The following ZNF121 variants were observed in gnomAD, a reference collection of about 807,000 sequenced individuals.
The protein encoded by ZNF121 is zinc finger protein 121 (clone ZHC32).
A neutral mutation model predicts 2.4 loss-of-function variants in ZNF121; 1 was observed. The ratio of observed to expected loss-of-function variants is 0.41; its 90% confidence interval spans 0.15 to 1.94. The LOEUF (loss-of-function observed/expected upper bound fraction) is 1.94, where lower values mean the gene tolerates loss of function less well. Among genes scored for constraint, ZNF121 ranks in the 30% most tolerant of loss-of-function variants. The pLI, the probability that ZNF121 is intolerant of heterozygous loss-of-function variation, is 0.30. For synonymous variants in ZNF121, 173 were observed against 158.6 expected (o/e 1.09, Z -0.68); for missense variants, 369 against 466.3 (o/e 0.79, Z 1.92).
At chr19:9,574,361 A>C (rs2074195738) in intron 1 of ZNF121, among the ~76,000 whole-genome samples, 1 of 151,856 alleles carries the variant, frequency 6.6e-6, no homozygotes, top group Admixed American at 6.6e-5. Flanking sequence ...TCATCGTGTT[A>C]GTCAGGATGG....
intron 1 of ZNF121, among the ~76,000 whole-genome samples, chr19:9,570,588 C>T (rs8112836): frequency 0.17 from 26,221 of 151,890 alleles, 3,594 homozygotes; most frequent in African/African-American, 0.38. Flanking sequence ...GTTTTTGAGA[C>T]GGAGTTTTGC....
intron 2 of ZNF121, 134 bp from the exon 3 acceptor site, chr19:9,568,309 T>C (rs984973601): frequency 1.6e-5 from 7 of 446,224 alleles, no homozygotes; most frequent in African/African-American, 9.8e-5. Flanking sequence ...AGACATAGAT[T>C]TGAACAGTTT....
In ZNF121 at chr19:9,566,324, T is replaced by A. The variant is rs780332876; in HGVS notation, c.789A>T (p.Lys263Asn). ...TAAGGCATGAAGAGCTTCTGAAGGA[T>A]TTTCCACATACCTTACATTCAAAGG... ...EKPFECKVCG[K>N]SFRSSSCLKN... The change falls in exon 4 of 4, where the codon AAA becomes AAT. Residue 263 changes from lysine to asparagine, a missense_variant. Around this residue, in one of 4 missense-constraint regions of ZNF121, gnomAD observed 127 missense variants for 169.9 expected, o/e 0.75. Transcript: ENST00000320451. 6.2e-7 allele frequency: 1 copy of A among 1,613,910 alleles called. No homozygotes were observed. The highest frequency in any genetic ancestry group is 2.2e-5 in the East Asian group (1 of 44,872).
At chr19:9,583,387 C>T (rs1347629171) in intron 1 of ZNF121, among the ~76,000 whole-genome samples, 4 of 148,286 alleles carry the variant, frequency 2.7e-5, no homozygotes, top group Admixed American at 2.0e-4. Flanking sequence ...AGTGCAGTGG[C>T]AGATCTCGGC....
chr19:9,568,050 C>G lies in ZNF121; in HGVS notation c.3+45G>C, dbSNP rs370410705. 11 of 1,521,004 alleles carry G rather than the reference C, an allele frequency of 7.2e-6. No homozygotes were observed. The African/African-American group carries it at 1.7e-4, about 23-fold the overall frequency. The allele number at this position is 1,521,004 out of a possible 1,614,324, so 94.2% of individuals were successfully genotyped here. ...TTTTGCTGATTTTTTATAATTGAAT[C>G]CCAATCTTTTTTTGAGTGTGGTAAA... On this transcript the variant is annotated intron_variant, in intron 3 of 3. Coordinates refer to ENST00000320451, the MANE Select transcript of ZNF121 (RefSeq NM_001008727.5).
At chr19:9,574,032 T>C (rs539184401) in intron 1 of ZNF121, among the ~76,000 whole-genome samples, 4 of 106,308 alleles carry the variant, frequency 3.8e-5, no homozygotes, top group South Asian at 6.4e-4. Context: ...TCTTTCTTTT[T>C]TTTTTTTTTT....
At chr19:9,570,670 G>A (rs1284845960) in intron 1 of ZNF121, among the ~76,000 whole-genome samples, 2 of 152,014 alleles carry the variant, frequency 1.3e-5, no homozygotes, top group Non-Finnish European at 2.9e-5. Flanking sequence ...GGGTTAAAGC[G>A]ATTCTCCTGC....
chr19:9,567,979 A>G (rs1017691688), intron 3 of ZNF121, 116 bp downstream of exon 3: 6 of 1,181,370 alleles, frequency 5.1e-6, no homozygotes, highest in Non-Finnish European at 7.0e-6. Context: ...CTCTAGAGAC[A>G]TTCCTCCTGC....
At chr19:9,574,572 G>A (rs1246229948) in intron 1 of ZNF121, among the ~76,000 whole-genome samples, 1 of 152,170 alleles carries the variant, frequency 6.6e-6, no homozygotes, top group African/African-American at 2.4e-5. Flanking sequence ...CCACCCTACT[G>A]CTGTGTCCAG....
chr19:9,580,033 C>A (rs1599743095), intron 1 of ZNF121, among the ~76,000 whole-genome samples: 1 of 152,072 alleles, frequency 6.6e-6, no homozygotes, highest in Non-Finnish European at 1.5e-5. Context: ...TGGCTCACAC[C>A]TGTTATCCCA....
chr19:9,564,923 C>T lies in ZNF121; in HGVS notation c.*1017G>A, dbSNP rs1175183842. ...CCATCAACACTGAGGCAAGACCTAC[C>T]ACAAGCAAAAAGATTACAACTCACC... On this transcript the variant is annotated 3_prime_UTR_variant, in exon 4 of 4. Transcript: ENST00000320451. The T allele has an allele frequency of 6.6e-6, 1 of 152,190 alleles. No homozygotes were observed. Among genetic ancestry groups the T allele is most frequent in the Admixed American group, 6.6e-5 (1 of 15,266 alleles). 9.4% of individuals were successfully genotyped at this position (152,190 alleles called of 1,614,324 possible).
chr19:9,567,089 C>T lies in ZNF121; in HGVS notation c.24G>A (p.Gly8=), dbSNP rs1462406828. The change falls in exon 4 of 4, where the codon GGG becomes GGA. Residue 8 remains glycine, a synonymous_variant. Transcript: ENST00000320451. Reference sequence around the variant, plus strand: ...CATTTTCCATAAAGTCACAGAGTTCCCCTCCATTGTGGATTTCTGCCTGTT... The same window carrying T: ...CATTTTCCATAAAGTCACAGAGTTCTCCTCCATTGTGGATTTCTGCCTGTT... MAEIHNG[G]ELCDFMENGE... 6.2e-7 allele frequency: 1 copy of T among 1,610,752 alleles called. No individual in the cohort carries two copies. The highest frequency in any genetic ancestry group is 8.5e-7 in the Non-Finnish European group (1 of 1,178,174).
At chr19:9,575,468 G>A (rs1040336838) in intron 1 of ZNF121, among the ~76,000 whole-genome samples, 1 of 151,132 alleles carries the variant, frequency 6.6e-6, no homozygotes, top group Non-Finnish European at 1.5e-5. Flanking sequence ...CTATAGCTGG[G>A]AGTAGTGGCT....
chr19:9,583,209 T>A (rs1206335120), intron 1 of ZNF121, among the ~76,000 whole-genome samples: 1 of 150,182 alleles, frequency 6.7e-6, no homozygotes, highest in Non-Finnish European at 1.5e-5. Context: ...AGAGCAAGAC[T>A]CCGTCTGAAA....
rs2074097192 is a variant in ZNF121 at position 9,560,797 on chromosome 19, A to AT, written c.*5142dup. 6.6e-6 allele frequency: 1 copy of AT among 152,218 alleles called. No homozygotes were observed. The highest frequency in any genetic ancestry group is 1.9e-4 in the East Asian group (1 of 5,200). 9.4% of individuals were successfully genotyped at this position (152,218 alleles called of 1,614,324 possible). A position where few individuals can be genotyped will look rare whatever the true frequency, so the allele number is the denominator to read the frequency against. Reference sequence around the variant, plus strand: ...AATGAACACAGGTAGGCATTCACACATTGAGATGCTTTCTTCAGTTCCTTT... The same window carrying AT: ...AATGAACACAGGTAGGCATTCACACATTTGAGATGCTTTCTTCAGTTCCTTT... On this transcript the variant is annotated 3_prime_UTR_variant, in exon 4 of 4. Coordinates refer to ENST00000320451, the MANE Select transcript of ZNF121 (RefSeq NM_001008727.5).
At chr19:9,567,568 TCAA>T (rs2074142584) in intron 3 of ZNF121, 1 of 240,510 alleles carries the variant, frequency 4.2e-6, no homozygotes, top group South Asian at 5.2e-5. Context: ...TCAGCATGAT[TCAA>T]CAACATTACA....
intron 1 of ZNF121, chr19:9,584,259 G>A (rs2074269438): frequency 6.6e-6 from 1 of 152,250 alleles, no homozygotes; most frequent in African/African-American, 2.4e-5. Context: ...GCGGAGTCGG[G>A]ACAAACACAC....
At chr19:9,569,861 C>T (rs570766325) in intron 1 of ZNF121, among the ~76,000 whole-genome samples, 9 of 129,518 alleles carry the variant, frequency 6.9e-5, no homozygotes, top group African/African-American at 2.3e-4. Flanking sequence ...TTTTTTTTTA[C>T]GATATCGTCA....
In ZNF121 at chr19:9,564,116, A is replaced by C. The variant is rs912307881; in HGVS notation, c.*1824T>G. ...CCACTAATAATGCTTCTTCTGAGGG[A>C]TCTGGATAAATTAAGTTGCAGACCT... On this transcript the variant is annotated 3_prime_UTR_variant, in exon 4 of 4. Transcript: ENST00000320451. 1 of 152,184 alleles carries C rather than the reference A, an allele frequency of 6.6e-6. No homozygotes were observed. Among genetic ancestry groups the C allele is most frequent in the South Asian group, 2.1e-4 (1 of 4,832 alleles). The allele number at this position is 152,184 out of a possible 1,614,324, so 9.4% of individuals were successfully genotyped here.
Sources: allele counts gnomAD v4.1 joint callset (sites outside exome capture counted in the v4.1 genomes callset), GRCh38; gene constraint gnomAD v4.1.1; regional missense constraint gnomAD v4.1.1; transcripts MANE v1.5; gene names NCBI Gene and HGNC (gene_info 2026-07-23, HGNC 2026-07-21).